Variants in GPHN observed in about 807,000 individuals in gnomAD.
GPHN encodes gephyrin.
GPHN carries 17 observed loss-of-function variants against 95.5 expected under a neutral mutation model. That is an observed-to-expected ratio of 0.18 (90% CI 0.12 to 0.27). The LOEUF (loss-of-function observed/expected upper bound fraction) is 0.27. GPHN is among the 10% of genes least tolerant of loss of function. GPHN has a pLI of 1.00. For synonymous variants in GPHN, 320 were observed against 322.5 expected (o/e 0.99, Z 0.08); for missense variants, 660 against 978.1 (o/e 0.67, Z 4.34).
At chr14:67,186,058 T>C (rs533986621), downstream of GPHN, among the ~76,000 whole-genome samples, 17 of 152,290 alleles carry the variant, frequency 1.1e-4, no homozygotes, top group Non-Finnish European at 2.1e-4. Context: ...GTTAAAGACT[T>C]GCTCAATCCT....
the GPHN span, among the ~76,000 whole-genome samples, chr14:67,466,453 T>C: frequency 6.6e-6 from 1 of 152,162 alleles, no homozygotes; most frequent in African/African-American, 2.4e-5. Flanking sequence ...AGTGAGCTGC[T>C]CTATGGTGGT....
At chr14:66,889,639 T>C (rs1284023411) in intron 5 of GPHN, among the ~76,000 whole-genome samples, 1 of 152,122 alleles carries the variant, frequency 6.6e-6, no homozygotes, top group Non-Finnish European at 1.5e-5. Context: ...GCTGTAAGCA[T>C]TTAAAAAATA....
chr14:67,259,859 CTA>C, the GPHN span, among the ~76,000 whole-genome samples: 1 of 145,870 alleles, frequency 6.9e-6, no homozygotes, highest in African/African-American at 2.6e-5. Flanking sequence ...CTGCAGTGAG[CTA>C]TGATTGTGCT....
the GPHN span, among the ~76,000 whole-genome samples, chr14:67,733,265 A>G: frequency 6.6e-6 from 1 of 152,200 alleles, no homozygotes; most frequent in Admixed American, 6.5e-5. Context: ...ATGCAAGTGC[A>G]TCTGTCCCCA....
At chr14:67,284,851 T>C in the GPHN span, among the ~76,000 whole-genome samples, 4 of 152,168 alleles carry the variant, frequency 2.6e-5, no homozygotes, top group African/African-American at 9.6e-5. Flanking sequence ...GATGAATTAA[T>C]ATTCCACTGT....
intron 1 of GPHN, among the ~76,000 whole-genome samples, chr14:66,643,715 G>GAC (rs1206506819): frequency 6.6e-6 from 1 of 150,494 alleles, no homozygotes. Context: ...TCCTTCTGTT[G>GAC]TGGGTAGAGC....
chr14:66,629,125 GTATATAAATATATATTTATATACA>G (rs1244159153), intron 1 of GPHN, among the ~76,000 whole-genome samples: 4 of 121,156 alleles, frequency 3.3e-5, no homozygotes, highest in South Asian at 2.4e-4. Context: ...ATATAAATAT[GTATATAAATATATATTTATATACA>G]TATATAAATA....
chr14:67,650,924 AC>A, the GPHN span: 1 of 1,613,346 alleles, frequency 6.2e-7, no homozygotes, highest in African/African-American at 1.3e-5. Context: ...AATTTAGGAG[AC>A]ACTGTGCACT....
chr14:67,629,204 T>G, the GPHN span, among the ~76,000 whole-genome samples: 1 of 152,040 alleles, frequency 6.6e-6, no homozygotes, highest in African/African-American at 2.4e-5. Context: ...GGTGTGGTGG[T>G]GCATGCACAT....
chr14:67,706,630 G>A, the GPHN span, among the ~76,000 whole-genome samples: 2 of 152,200 alleles, frequency 1.3e-5, no homozygotes, highest in East Asian at 1.9e-4. Flanking sequence ...AATCAGATAC[G>A]CATTTATCTT....
At chr14:66,830,106 T>C (rs2061530495) in intron 4 of GPHN, among the ~76,000 whole-genome samples, 1 of 152,176 alleles carries the variant, frequency 6.6e-6, no homozygotes, top group Admixed American at 6.5e-5. Flanking sequence ...GCATAGCCTA[T>C]AAAGCCTGAC....
chr14:67,642,793 C>CTTTTTTTTT, the GPHN span, among the ~76,000 whole-genome samples: 694 of 75,548 alleles, frequency 9.2e-3, 179 homozygotes, highest in Middle Eastern at 0.054. Context: ...ACTACATTTT[C>CTTTTTTTTT]TTTTTTTTTT....
At chr14:67,172,124 C>T (rs2082634594) in intron 21 of GPHN, among the ~76,000 whole-genome samples, 1 of 152,106 alleles carries the variant, frequency 6.6e-6, no homozygotes, top group Non-Finnish European at 1.5e-5. Context: ...AGCAAGTAGT[C>T]ACAGCACCCC....
intron 2 of GPHN, among the ~76,000 whole-genome samples, chr14:66,685,626 C>A (rs2067302507): frequency 6.6e-6 from 1 of 151,918 alleles, no homozygotes; most frequent in Admixed American, 6.6e-5. Context: ...TGTTTGAGTG[C>A]TTTGTAGATT....
At chr14:67,460,696 C>T in the GPHN span, among the ~76,000 whole-genome samples, 596 of 152,142 alleles carry the variant, frequency 3.9e-3, 10 homozygotes, top group East Asian at 0.066. Context: ...AGTGAGACTC[C>T]GTCTCAAAAA....
At chr14:67,684,024 T>C in the GPHN span, among the ~76,000 whole-genome samples, 1 of 152,208 alleles carries the variant, frequency 6.6e-6, no homozygotes. Context: ...TGATAAAAAT[T>C]CTGCTGCTTC....
chr14:67,639,924 CAAAAAA>C, the GPHN span, among the ~76,000 whole-genome samples: 20 of 61,830 alleles, frequency 3.2e-4, no homozygotes, highest in African/African-American at 1.0e-3. Context: ...GACCCTGTCT[CAAAAAA>C]AAAAAAAAAA....
the GPHN span, among the ~76,000 whole-genome samples, chr14:67,733,592 A>G: frequency 6.6e-6 from 1 of 152,178 alleles, no homozygotes; most frequent in African/African-American, 2.4e-5. Flanking sequence ...TTGTTTTTAA[A>G]ATATTTTTGG....
chr14:67,528,838 A>T, the GPHN span, among the ~76,000 whole-genome samples: 2 of 152,218 alleles, frequency 1.3e-5, no homozygotes, highest in African/African-American at 2.4e-5. Flanking sequence ...GACCCCAGAC[A>T]GGTGCGTGAC....
Sources: allele counts gnomAD v4.1 joint callset (sites outside exome capture counted in the v4.1 genomes callset), GRCh38; gene constraint gnomAD v4.1.1; transcripts MANE v1.5; gene names NCBI Gene and HGNC (gene_info 2026-07-23, HGNC 2026-07-21).